CDK6: variants seen among roughly 807,000 people sequenced by gnomAD.
CDK6 encodes the protein cyclin dependent kinase 6.
CDK6 carries 6 observed loss-of-function variants against 37.1 expected under a neutral mutation model. The ratio of observed to expected loss-of-function variants is 0.16; its 90% CI spans 0.09 to 0.32. CDK6 has a LOEUF of 0.32. Ranked by LOEUF, CDK6 falls within the 10% of genes least tolerant of loss-of-function variation. The pLI, the probability that CDK6 is intolerant of heterozygous loss-of-function variation, is 1.00. For missense variants in CDK6, 224 were observed against 418.9 expected (o/e 0.53, Z 4.06); for synonymous variants, 160 against 161.3 (o/e 0.99, Z 0.06).
chr7:92,722,967 T>A (rs1798402176), intron 4 of CDK6, among the ~76,000 whole-genome samples: 1 of 152,184 alleles, frequency 6.6e-6, no homozygotes, highest in African/African-American at 2.4e-5. Flanking sequence ...GACGGATTAC[T>A]TGAGGTCAGG....
At chr7:92,645,828 G>A (rs768089802) in intron 5 of CDK6, among the ~76,000 whole-genome samples, 6 of 152,090 alleles carry the variant, frequency 3.9e-5, no homozygotes, top group Admixed American at 1.3e-4. Context: ...TATTTACTTC[G>A]TGGATACTCC....
At chr7:92,780,606 A>G (rs1324452538) in intron 2 of CDK6, among the ~76,000 whole-genome samples, 6 of 151,722 alleles carry the variant, frequency 4.0e-5, no homozygotes. Context: ...TAAAAATACA[A>G]AAAAATTAGC....
chr7:92,671,771 T>C (rs1797075855), intron 4 of CDK6, among the ~76,000 whole-genome samples: 1 of 152,140 alleles, frequency 6.6e-6, no homozygotes, highest in Non-Finnish European at 1.5e-5. Context: ...TAGGATGGCA[T>C]AATAACATGA....
At chr7:92,824,672 A>G (rs925759569) in intron 2 of CDK6, among the ~76,000 whole-genome samples, 1 of 152,182 alleles carries the variant, frequency 6.6e-6, no homozygotes, top group African/African-American at 2.4e-5. Context: ...TGAAAGTGCT[A>G]CCAATCAGTA....
intron 3 of CDK6, among the ~76,000 whole-genome samples, chr7:92,767,646 C>A (rs1799614998): frequency 6.6e-6 from 1 of 152,072 alleles, no homozygotes; most frequent in African/African-American, 2.4e-5. Context: ...GCTGCTGGCA[C>A]TGCTTTGATT....
intron 2 of CDK6, among the ~76,000 whole-genome samples, chr7:92,817,085 G>A (rs1801049302): frequency 6.6e-6 from 1 of 151,920 alleles, no homozygotes; most frequent in Non-Finnish European, 1.5e-5. Context: ...AGGCCCAGAT[G>A]ACTTCATTAG....
chr7:92,817,450 C>A (rs543517370), intron 2 of CDK6, among the ~76,000 whole-genome samples: 39 of 151,634 alleles, frequency 2.6e-4, no homozygotes, highest in Non-Finnish European at 4.6e-4. Flanking sequence ...AATTCAGTAC[C>A]CAATCATGAA....
intron 5 of CDK6, among the ~76,000 whole-genome samples, chr7:92,643,306 G>A (rs78911158): frequency 0.013 from 1,977 of 152,340 alleles, 42 homozygotes; most frequent in Middle Eastern, 0.037. Flanking sequence ...ATCCAGAGGA[G>A]TCTGTAAGTC....
At chr7:92,783,118 A>AG (rs1800037971) in intron 2 of CDK6, among the ~76,000 whole-genome samples, 1 of 152,218 alleles carries the variant, frequency 6.6e-6, no homozygotes, top group Admixed American at 6.5e-5. Flanking sequence ...ATCTGACCAT[A>AG]GAGACACTGG....
chr7:92,738,068 G>C (rs1798829059), intron 3 of CDK6, among the ~76,000 whole-genome samples: 1 of 152,270 alleles, frequency 6.6e-6, no homozygotes, highest in South Asian at 2.1e-4. Flanking sequence ...TTGTGTTGTT[G>C]CAAGGACTGA....
At chr7:92,697,125 G>A (rs555294787) in intron 4 of CDK6, among the ~76,000 whole-genome samples, 5 of 152,222 alleles carry the variant, frequency 3.3e-5, no homozygotes, top group South Asian at 2.1e-4. Flanking sequence ...TAAGTGCTTC[G>A]GAAGACAGTT....
At chr7:92,728,392 A>G (rs1798562650) in intron 3 of CDK6, among the ~76,000 whole-genome samples, 1 of 152,164 alleles carries the variant, frequency 6.6e-6, no homozygotes, top group Admixed American at 6.5e-5. Context: ...TGTACACATT[A>G]TTTTGTAGCT....
At chr7:92,818,441 C>T (rs1801083214) in intron 2 of CDK6, among the ~76,000 whole-genome samples, 1 of 151,880 alleles carries the variant, frequency 6.6e-6, no homozygotes, top group Non-Finnish European at 1.5e-5. Flanking sequence ...AACACAAAGA[C>T]TTGACTTGAA....
chr7:92,710,571 TTTGA>T, intron 4 of CDK6: 1 of 289,832 alleles, frequency 3.5e-6, no homozygotes, highest in Non-Finnish European at 5.1e-6. Flanking sequence ...TTCAAGACAC[TTTGA>T]TTGGATATTT....
At chr7:92,794,328 C>G (rs1017126372) in intron 2 of CDK6, among the ~76,000 whole-genome samples, 4 of 152,024 alleles carry the variant, frequency 2.6e-5, no homozygotes, top group African/African-American at 7.2e-5. Context: ...GTAAATTGCC[C>G]AGCATCCTAA....
chr7:92,676,201 A>T (rs6977712), intron 4 of CDK6, among the ~76,000 whole-genome samples: 36,281 of 151,838 alleles, frequency 0.24, 6,558 homozygotes, highest in African/African-American at 0.49. Context: ...ACATATTTGT[A>T]GATAAACTTT....
intron 5 of CDK6, among the ~76,000 whole-genome samples, chr7:92,638,990 G>A (rs563991248): frequency 6.6e-6 from 1 of 152,106 alleles, no homozygotes; most frequent in Non-Finnish European, 1.5e-5. Context: ...TTCTTGTTGG[G>A]GGGTGATGAA....
intron 3 of CDK6, among the ~76,000 whole-genome samples, chr7:92,754,161 G>A (rs940425831): frequency 2.0e-5 from 3 of 152,116 alleles, no homozygotes; most frequent in Non-Finnish European, 4.4e-5. Flanking sequence ...CCTAATGGTT[G>A]CTTCTATCCC....
In CDK6 at chr7:92,609,055, G is replaced by A. The variant is rs1414192063; in HGVS notation, c.*6085C>T. On this transcript the variant is annotated 3_prime_UTR_variant, in exon 8 of 8. Transcript: ENST00000424848. ...GAGCAGAGGGGCGAATGAGGCGGGG[G>A]ATTTCTCAGCCAGTTTCTGACTGCC... 4.3e-6 allele frequency: 1 copy of A among 233,154 alleles called. No individual in the cohort carries two copies. The highest frequency in any genetic ancestry group is 8.5e-6 in the Non-Finnish European group (1 of 118,094). 14.4% of individuals were successfully genotyped at this position (233,154 alleles called of 1,614,324 possible). A position where few individuals can be genotyped will look rare whatever the true frequency, so the allele number is the denominator to read the frequency against.
Sources: allele counts gnomAD v4.1 joint callset (sites outside exome capture counted in the v4.1 genomes callset), GRCh38; gene constraint gnomAD v4.1.1; transcripts MANE v1.5; gene names NCBI Gene and HGNC (gene_info 2026-07-23, HGNC 2026-07-21).